The following KCNIP3 variants were observed in gnomAD, a reference collection of about 807,000 sequenced individuals.
The protein encoded by KCNIP3 is potassium voltage-gated channel interacting protein 3.
In KCNIP3, 28 loss-of-function variants were observed where a neutral mutation model predicts 35.0. The ratio of observed to expected loss-of-function variants is 0.80; its 90% CI spans 0.59 to 1.10. The LOEUF is 1.10. Ranked by LOEUF, KCNIP3 falls within the 50% of genes least tolerant of loss-of-function variation. KCNIP3 has a pLI of 0.00. For synonymous variants in KCNIP3, 134 were observed against 133.8 expected (o/e 1.00, Z -0.01); for missense variants, 295 against 338.4 (o/e 0.87, Z 1.01).
At chr2:95,364,038 G>T (rs1307307893) in intron 2 of KCNIP3, among the ~76,000 whole-genome samples, 1 of 152,108 alleles carries the variant, frequency 6.6e-6, no homozygotes, top group Non-Finnish European at 1.5e-5. Flanking sequence ...AAGAGCATTG[G>T]CAGGACATTG....
chr2:95,298,458 G>A lies in KCNIP3; in HGVS notation c.15+1005G>A, dbSNP rs542901150. On this transcript the variant is annotated intron_variant, in intron 1 of 8. Coordinates refer to ENST00000295225, the MANE Select transcript of KCNIP3 (RefSeq NM_013434.5). Reference sequence around the variant, plus strand: ...ATGGGCTCATACTGACATATGAGCAGGAAGGAGAAAGAAAGAAGGGCAAAA... The same window carrying A: ...ATGGGCTCATACTGACATATGAGCAAGAAGGAGAAAGAAAGAAGGGCAAAA... Among the ~76,000 whole-genome samples the A allele has an allele frequency of 2.1e-4, 32 of 152,298 alleles. No individual in the cohort carries two copies. The South Asian group carries it at 6.2e-3, about 30-fold the overall frequency.
intron 2 of KCNIP3, among the ~76,000 whole-genome samples, chr2:95,314,743 G>T (rs184432156): frequency 6.6e-6 from 1 of 152,352 alleles, no homozygotes; most frequent in Non-Finnish European, 1.5e-5. Context: ...CTCCTGCTGG[G>T]GACCCATTCT....
Position 95,320,609 on chromosome 2 carries a change from C to T in KCNIP3, c.181+10089C>T, listed in dbSNP as rs796419509. Among the ~76,000 whole-genome samples, 4 of 152,078 alleles carry T rather than the reference C, an allele frequency of 2.6e-5. No individual in the cohort carries two copies. The South Asian group carries it at 6.2e-4, about 24-fold the overall frequency. On this transcript the variant is annotated intron_variant, in intron 2 of 8. Transcript: ENST00000295225. ...ATGGATTCCCTGGGAGCATCCCCTC[C>T]GGCTCCATGAAGGCCTCTGGGTGGG... is the stretch of plus-strand genomic sequence containing the variant.
chr2:95,374,143 T>G (rs1006887706), intron 2 of KCNIP3, among the ~76,000 whole-genome samples, 153 bp from the exon 3 acceptor site: 2 of 152,180 alleles, frequency 1.3e-5, no homozygotes, highest in African/African-American at 4.8e-5. Flanking sequence ...TCACACCCCC[T>G]CTGTGCAGTG....
At chr2:95,325,720 CTTAT>C (rs1678730932) in intron 2 of KCNIP3, among the ~76,000 whole-genome samples, 1 of 151,848 alleles carries the variant, frequency 6.6e-6, no homozygotes, top group East Asian at 1.9e-4. Flanking sequence ...CAGTCATACA[CTTAT>C]ACACATACAC....
chr2:95,356,278 A>G (rs1379543193), intron 2 of KCNIP3, among the ~76,000 whole-genome samples: 2 of 151,756 alleles, frequency 1.3e-5, no homozygotes, highest in African/African-American at 4.8e-5. Context: ...ATTGCAAAAA[A>G]TTTCTCCCAT....
At chr2:95,352,446 C>T (rs547381180) in intron 2 of KCNIP3, among the ~76,000 whole-genome samples, 3 of 152,074 alleles carry the variant, frequency 2.0e-5, no homozygotes, top group Admixed American at 1.3e-4. Flanking sequence ...AGGCTGCTGA[C>T]GAGCTGGTTG....
intron 1 of KCNIP3, among the ~76,000 whole-genome samples, chr2:95,308,578 G>A (rs1678235432): frequency 6.6e-6 from 1 of 152,354 alleles, no homozygotes; most frequent in South Asian, 2.1e-4. Context: ...GCAGAGACCA[G>A]TGGGGGTGCC....
At chr2:95,373,159 G>A (rs564741748) in intron 2 of KCNIP3, among the ~76,000 whole-genome samples, 1 of 152,312 alleles carries the variant, frequency 6.6e-6, no homozygotes, top group South Asian at 2.1e-4. Flanking sequence ...GAGACAGGGC[G>A]ACGGTGCAGC....
chr2:95,383,528 C>T (rs1211517190), intron 8 of KCNIP3, among the ~76,000 whole-genome samples: 1 of 152,176 alleles, frequency 6.6e-6, no homozygotes, highest in African/African-American at 2.4e-5. Flanking sequence ...CCACTACCCC[C>T]ACACCCTCCC....
At chr2:95,330,445 G>A (rs1377074856) in intron 2 of KCNIP3, among the ~76,000 whole-genome samples, 1 of 152,188 alleles carries the variant, frequency 6.6e-6, no homozygotes, top group Non-Finnish European at 1.5e-5. Context: ...TCAGGGCAGG[G>A]TGACCAGGCG....
chr2:95,307,791 C>T (rs1243438194), intron 1 of KCNIP3, among the ~76,000 whole-genome samples: 1 of 152,214 alleles, frequency 6.6e-6, no homozygotes, highest in East Asian at 1.9e-4. Flanking sequence ...GAGCTCCTGC[C>T]AGGGGCTCCG....
At chr2:95,306,710 G>C (rs1265162903) in intron 1 of KCNIP3, among the ~76,000 whole-genome samples, 4 of 152,170 alleles carry the variant, frequency 2.6e-5, no homozygotes, top group African/African-American at 9.7e-5. Context: ...AGGCACTGGG[G>C]CTCCCGGCAG....
intron 7 of KCNIP3, 70 bp from the exon 8 acceptor site, chr2:95,383,162 G>A (rs576867457): frequency 7.0e-5 from 76 of 1,082,538 alleles, no homozygotes; most frequent in Non-Finnish European, 7.3e-5. Context: ...TGACTTCTGC[G>A]TCCTCAGGCC....
chr2:95,337,549 T>TA, intron 2 of KCNIP3, among the ~76,000 whole-genome samples: 1 of 152,374 alleles, frequency 6.6e-6, no homozygotes, highest in Non-Finnish European at 1.5e-5. Context: ...GTTGAGGCTA[T>TA]AGCCCTTATT....
chr2:95,381,577 C>A lies in KCNIP3; in HGVS notation c.448-19C>A, dbSNP rs765498391. 1.3e-6 allele frequency: 2 copies of A among 1,584,592 alleles called. No homozygotes were observed. The highest frequency in any genetic ancestry group is 1.7e-6 in the Non-Finnish European group (2 of 1,153,390). The stretch of plus-strand genomic sequence containing the variant: ...GGCATTGATTGGATGTCACGCCCCA[C>A]ACTCTCCTTTCCCCATAGGACTTTG... On this transcript the variant is annotated intron_variant, in intron 5 of 8. Transcript: ENST00000295225.
At position 95,378,655 on chromosome 2, in the gene KCNIP3, T is replaced by C. The variant is rs915097708; in HGVS notation, c.448-2941T>C. Reference sequence around the variant, plus strand: ...CAGCTGCTTGGGAGGCTGAGGCAAGTGAATCACTTTGAGCCCAGGAGTCAG... The same window carrying C: ...CAGCTGCTTGGGAGGCTGAGGCAAGCGAATCACTTTGAGCCCAGGAGTCAG... On this transcript the variant is annotated intron_variant, in intron 5 of 8. Transcript: ENST00000295225. The surrounding 1 kb of genome is among the most constrained non-coding windows in gnomAD (Gnocchi z 4.0). Among the ~76,000 whole-genome samples, 3 of 150,152 alleles carry C rather than the reference T, an allele frequency of 2.0e-5. No individual in the cohort carries two copies. Among genetic ancestry groups the C allele is most frequent in the African/African-American group, 7.4e-5 (3 of 40,738 alleles).
chr2:95,358,934 A>G (rs1195190386), intron 2 of KCNIP3, among the ~76,000 whole-genome samples: 2 of 152,174 alleles, frequency 1.3e-5, no homozygotes, highest in Non-Finnish European at 2.9e-5. Context: ...GGAGTTGGAC[A>G]CCTGCCTGGG....
At chr2:95,334,415 C>T (rs1679006979) in intron 2 of KCNIP3, among the ~76,000 whole-genome samples, 1 of 152,192 alleles carries the variant, frequency 6.6e-6, no homozygotes, top group Non-Finnish European at 1.5e-5. Context: ...GAAACTGAGG[C>T]TCAAGGAGGT....
Sources: gnomAD v4.1 joint callset for allele counts (sites outside exome capture counted in the v4.1 genomes callset) on GRCh38, gnomAD v4.1.1 for gene constraint, Gnocchi (gnomAD v3.1) non-coding constraint, MANE v1.5 for transcripts, NCBI Gene and HGNC (gene_info 2026-07-23, HGNC 2026-07-21) for gene names.